PRKG1: variants seen among roughly 807,000 people sequenced by gnomAD.
PRKG1 encodes the protein protein kinase cGMP-dependent 1.
A neutral mutation model predicts 88.1 loss-of-function variants in PRKG1; 35 were observed. The observed-to-expected ratio is 0.40, with a 90% CI of 0.30 to 0.53. PRKG1 has a LOEUF of 0.53. PRKG1 is among the 20% of genes least tolerant of loss of function. The pLI, the probability that PRKG1 is intolerant of heterozygous loss-of-function variation, is 0.59. For synonymous variants in PRKG1, 303 were observed against 292.5 expected, an observed-to-expected ratio of 1.04 and a Z score of -0.37; for missense variants, 540 against 839.8, an observed-to-expected ratio of 0.64 and a Z score of 4.41.
At chr10:51,884,401 C>G (rs541238286) in intron 4 of PRKG1, among the ~76,000 whole-genome samples, 1 of 123,894 alleles carries the variant, frequency 8.1e-6, no homozygotes, top group East Asian at 3.0e-4. Context: ...GTCGAGATCG[C>G]GCCACTGCAC....
intron 3 of PRKG1, among the ~76,000 whole-genome samples, chr10:51,587,859 T>C (rs1199229930): frequency 4.6e-5 from 7 of 152,206 alleles, no homozygotes; most frequent in Admixed American, 4.6e-4. Context: ...TTTGGGATTA[T>C]GTAAGAGACA....
rs145711160 is a variant in PRKG1 at position 51,054,999 on chromosome 10, C to A, written c.266+63355C>A. Reference sequence around the variant, plus strand: ...AAATACTATTATATAATGATTAATTCTATTACTAATTATTATTCATGATCC... The same window carrying A: ...AAATACTATTATATAATGATTAATTATATTACTAATTATTATTCATGATCC... On this transcript the variant is annotated intron_variant, in intron 1 of 17. Coordinates refer to the PRKG1 transcript ENST00000401604. Among the ~76,000 whole-genome samples the A allele has an allele frequency of 4.5e-4, 68 of 152,210 alleles. 1 individual carries two copies. Among genetic ancestry groups the A allele is most frequent in the African/African-American group, 1.6e-3 (68 of 41,528 alleles).
Position 52,272,410 on chromosome 10 carries a change from G to C in PRKG1, c.1332G>C (p.Lys444Asn). The C allele has an allele frequency of 6.2e-7, 1 of 1,607,724 alleles. No individual in the cohort carries two copies. Among genetic ancestry groups the C allele is most frequent in the South Asian group, 1.1e-5 (1 of 90,694 alleles). Residue 444 changes from lysine to asparagine, a missense_variant, in exon 12 of 18, where the codon AAG (lysine) becomes AAC (asparagine). This residue lies in a region of PRKG1 where 400 missense variants were observed against 562.7 expected (regional missense o/e 0.71). Transcript: ENST00000373980. ...TTTACAGACTGTACAGAACATTTAA[G>C]GACAGCAAATATTTGTATATGTTGA... ...DFIVRLYRTFKDSKYLYMLME... is the reference protein window; with the variant it reads ...DFIVRLYRTFNDSKYLYMLME...
intron 3 of PRKG1, among the ~76,000 whole-genome samples, chr10:51,489,137 CAGCT>C (rs899282514): frequency 2.2e-4 from 34 of 152,244 alleles, no homozygotes; most frequent in African/African-American, 7.7e-4. Flanking sequence ...AGATAAGAAA[CAGCT>C]AGCCTTCAAA....
intron 5 of PRKG1, among the ~76,000 whole-genome samples, chr10:51,941,882 T>C (rs531136488): frequency 1.6e-4 from 25 of 152,070 alleles, no homozygotes; most frequent in African/African-American, 6.0e-4. Flanking sequence ...GTTCCAAGTC[T>C]TTGCTATTGT....
chr10:51,856,359 G>A (rs553924360), intron 4 of PRKG1, among the ~76,000 whole-genome samples: 2 of 152,250 alleles, frequency 1.3e-5, no homozygotes, highest in South Asian at 4.1e-4. Context: ...TTTCTAGTTA[G>A]GCAAAGATGT....
chr10:51,146,744 G>T (rs559278664), intron 1 of PRKG1, among the ~76,000 whole-genome samples: 1 of 151,942 alleles, frequency 6.6e-6, no homozygotes, highest in African/African-American at 2.4e-5. Context: ...TTGAGTTGAT[G>T]TTTTGTATAT....
intron 3 of PRKG1, among the ~76,000 whole-genome samples, chr10:51,679,579 C>T (rs751867299): frequency 6.6e-6 from 1 of 152,068 alleles, no homozygotes; most frequent in Non-Finnish European, 1.5e-5. Context: ...TAGCTTATCT[C>T]TGGAGACACT....
Position 52,287,487 on chromosome 10 carries a change from T to C in PRKG1, c.1710-1239T>C, listed in dbSNP as rs888969037. On this transcript the variant is annotated intron_variant, in intron 14 of 17. Coordinates refer to ENST00000373980, the MANE Select transcript of PRKG1 (RefSeq NM_006258.4). ...TAGTTTGAACTGCTCTTAATAAACA[T>C]GAAAGGCAAAAAAAATAATAATTCA... Among the ~76,000 whole-genome samples the C allele has an allele frequency of 2.0e-5, 3 of 151,850 alleles. No individual in the cohort carries two copies. The South Asian group carries it at 6.2e-4, about 32-fold the overall frequency.
intron 3 of PRKG1, among the ~76,000 whole-genome samples, chr10:51,773,648 T>C (rs1269109877): frequency 1.3e-5 from 2 of 152,138 alleles, no homozygotes; most frequent in Non-Finnish European, 2.9e-5. Flanking sequence ...TTTCATGCTA[T>C]GATATTTTTT....
At chr10:52,274,278 C>T (rs1432756894) in intron 12 of PRKG1, among the ~76,000 whole-genome samples, 6 of 149,030 alleles carry the variant, frequency 4.0e-5, no homozygotes, top group Admixed American at 1.3e-4. Context: ...CACCCCCCTC[C>T]GACTCTTCCC....
intron 7 of PRKG1, among the ~76,000 whole-genome samples, chr10:52,104,753 T>A (rs1847375188): frequency 6.6e-6 from 1 of 152,220 alleles, no homozygotes; most frequent in Admixed American, 6.5e-5. Context: ...CACATTATCA[T>A]ATTAATTACT....
intron 2 of PRKG1, among the ~76,000 whole-genome samples, chr10:51,156,324 C>CACACACACACACACACACACACA (rs1564620908): frequency 1.1e-4 from 16 of 139,784 alleles, no homozygotes; most frequent in East Asian, 3.9e-4. Context: ...AACACACACA[C>CACACACACACACACACACACACA]CCGAATGTAA....
intron 2 of PRKG1, among the ~76,000 whole-genome samples, chr10:51,158,107 CT>C (rs1846260552): frequency 2.0e-5 from 3 of 151,940 alleles, no homozygotes; most frequent in African/African-American, 7.2e-5. Flanking sequence ...AATACTAGAA[CT>C]TACCAATTTT....
chr10:51,627,414 T>C (rs1190360581), intron 3 of PRKG1, among the ~76,000 whole-genome samples: 1 of 152,182 alleles, frequency 6.6e-6, no homozygotes, highest in African/African-American at 2.4e-5. Flanking sequence ...TTCAGGTTTC[T>C]TTAGTGGTGA....
intron 4 of PRKG1, among the ~76,000 whole-genome samples, chr10:51,890,018 C>T (rs923849864): frequency 6.6e-6 from 1 of 152,138 alleles, no homozygotes; most frequent in African/African-American, 2.4e-5. Context: ...TGCCTGTTCA[C>T]TCTGATGGTA....
intron 5 of PRKG1, among the ~76,000 whole-genome samples, chr10:52,049,283 G>A (rs1845932847): frequency 6.6e-6 from 1 of 152,116 alleles, no homozygotes. Context: ...AAATCTTAAG[G>A]AGGAGTGCTA....
At chr10:51,432,486 T>G (rs1838798062) in intron 2 of PRKG1, among the ~76,000 whole-genome samples, 1 of 152,148 alleles carries the variant, frequency 6.6e-6, no homozygotes, top group East Asian at 1.9e-4. Context: ...CACAAAAAAG[T>G]TGAGCGGCAT....
intron 2 of PRKG1, among the ~76,000 whole-genome samples, chr10:51,363,853 G>A (rs1415374867): frequency 1.3e-5 from 2 of 151,984 alleles, no homozygotes; most frequent in Non-Finnish European, 2.9e-5. Context: ...CAAAGGCAAA[G>A]TACTTTTAAT....
Sources: gnomAD v4.1 joint callset for allele counts (sites outside exome capture counted in the v4.1 genomes callset) on GRCh38, gnomAD v4.1.1 for gene constraint, gnomAD v4.1.1 regional missense constraint, MANE v1.5 for transcripts, NCBI Gene and HGNC (gene_info 2026-07-23, HGNC 2026-07-21) for gene names.